Variants in NAV2 observed in about 807,000 individuals in gnomAD.
NAV2 encodes helicase, APC down-regulated 1.
In NAV2, 54 loss-of-function variants were observed where a neutral mutation model predicts 223.2. The observed-to-expected ratio is 0.24, with a 90% CI of 0.19 to 0.30. The LOEUF (loss-of-function observed/expected upper bound fraction) is 0.30. NAV2 is among the 10% of genes least tolerant of loss of function. The pLI is 1.00. For missense variants in NAV2, 2,806 were observed against 3,147.5 expected (o/e 0.89, Z 2.60); for synonymous variants, 1,279 against 1,239.3 (o/e 1.03, Z -0.67).
At chr11:19,448,892 C>G (rs1280515593) in intron 1 of NAV2, among the ~76,000 whole-genome samples, 1 of 152,136 alleles carries the variant, frequency 6.6e-6, no homozygotes, top group Non-Finnish European at 1.5e-5. Flanking sequence ...GCCAGAAAGT[C>G]AATGTGCTCT....
At chr11:19,562,777 C>G (rs2045146075) in intron 1 of NAV2, among the ~76,000 whole-genome samples, 1 of 152,162 alleles carries the variant, frequency 6.6e-6, no homozygotes, top group Admixed American at 6.5e-5. Flanking sequence ...TTTATGTCTC[C>G]TAGTCTATAG....
chr11:19,423,677 T>C (rs891913551), intron 1 of NAV2, among the ~76,000 whole-genome samples: 1 of 152,226 alleles, frequency 6.6e-6, no homozygotes, highest in African/African-American at 2.4e-5. Context: ...GGCTTGCCAA[T>C]GTCTATCTAA....
At chr11:19,534,081 C>G (rs1393602587) in intron 1 of NAV2, among the ~76,000 whole-genome samples, 1 of 152,212 alleles carries the variant, frequency 6.6e-6, no homozygotes, top group African/African-American at 2.4e-5. Flanking sequence ...CCCATGCCAC[C>G]CTTGTGGCTC....
chr11:19,736,171 G>A (rs2052281794), intron 1 of NAV2, among the ~76,000 whole-genome samples: 1 of 152,222 alleles, frequency 6.6e-6, no homozygotes, highest in African/African-American at 2.4e-5. Flanking sequence ...ACTAGCTCCA[G>A]ACACAAACTG....
chr11:19,474,564 T>C (rs2042060776), intron 1 of NAV2, among the ~76,000 whole-genome samples: 1 of 152,212 alleles, frequency 6.6e-6, no homozygotes, highest in African/African-American at 2.4e-5. Flanking sequence ...CAGGAGAGCA[T>C]GTGAGGCTTT....
At chr11:19,359,811 G>A (rs547575378) in intron 1 of NAV2, among the ~76,000 whole-genome samples, 1 of 152,188 alleles carries the variant, frequency 6.6e-6, no homozygotes, top group African/African-American at 2.4e-5. Flanking sequence ...GCTGCCATGC[G>A]TGTCTCCTTG....
chr11:19,501,068 G>T (rs373627012), intron 1 of NAV2, among the ~76,000 whole-genome samples: 307 of 152,160 alleles, frequency 2.0e-3, no homozygotes, highest in African/African-American at 6.9e-3. Flanking sequence ...ACATTCCTTT[G>T]TTCATGGCTC....
intron 10 of NAV2, among the ~76,000 whole-genome samples, chr11:19,977,634 CA>C (rs750997499): frequency 6.6e-6 from 1 of 152,016 alleles, no homozygotes; most frequent in East Asian, 1.9e-4. Flanking sequence ...GTTTCCTTAG[CA>C]AAATTTTAAG....
chr11:19,723,389 G>A, intron 1 of NAV2, among the ~76,000 whole-genome samples: 2 of 32,052 alleles, frequency 6.2e-5, no homozygotes, highest in East Asian at 1.0e-3. Flanking sequence ...GGTATAGACA[G>A]TGTGTGGCAG....
chr11:19,650,982 A>C (rs2047954345), intron 1 of NAV2, among the ~76,000 whole-genome samples: 1 of 152,192 alleles, frequency 6.6e-6, no homozygotes, highest in Non-Finnish European at 1.5e-5. Flanking sequence ...AAACTCATTG[A>C]ATTGAACACA....
At chr11:20,026,166 G>C (rs1288985031) in intron 11 of NAV2, among the ~76,000 whole-genome samples, 3 of 152,136 alleles carry the variant, frequency 2.0e-5, no homozygotes, top group Non-Finnish European at 4.4e-5. Flanking sequence ...AATTTGCTGG[G>C]GTTAGTGACT....
At chr11:19,963,038 TA>T (rs1161497397) in intron 10 of NAV2, among the ~76,000 whole-genome samples, 1 of 152,176 alleles carries the variant, frequency 6.6e-6, no homozygotes, top group Non-Finnish European at 1.5e-5. Context: ...TGGGACGAAA[TA>T]AATGTGGTGT....
intron 1 of NAV2, among the ~76,000 whole-genome samples, chr11:19,532,840 G>C (rs1306989136): frequency 6.6e-6 from 1 of 152,164 alleles, no homozygotes; most frequent in African/African-American, 2.4e-5. Flanking sequence ...TTGTCTCTGG[G>C]GACCCTCTAC....
chr11:19,385,016 G>A (rs1002650266), intron 1 of NAV2: 1 of 152,116 alleles, frequency 6.6e-6, no homozygotes, highest in Non-Finnish European at 1.5e-5. Flanking sequence ...TCAAAAAAAT[G>A]GCAAAAGACT....
intron 1 of NAV2, among the ~76,000 whole-genome samples, chr11:19,382,000 AG>A (rs949824754): frequency 6.6e-6 from 1 of 152,156 alleles, no homozygotes; most frequent in African/African-American, 2.4e-5. Context: ...GCTAGTCTGC[AG>A]GCTGCTCACT....
At position 20,044,012 on chromosome 11, in the gene NAV2, G is replaced by A. The variant is rs2057206272; in HGVS notation, c.2939G>A (p.Arg980Lys). The A allele has an allele frequency of 6.2e-7, 1 of 1,614,042 alleles. No individual in the cohort carries two copies. The change falls in exon 13 of 38, where the codon AGG becomes AAG. Residue 980 changes from arginine (R) to lysine (K), a missense_variant. Physicochemically the swap from Arg to Lys is conservative, Grantham distance 26. Coordinates refer to ENST00000349880, the MANE Select transcript of NAV2 (RefSeq NM_145117.5). ...GCTGAGAAGCACTCACAGGTGGAGA[G>A]GAATTCCCTGTGGTCTGGTGATGAT... is the stretch of plus-strand genomic sequence containing the variant. ...TDAEKHSQVE[R>K]NSLWSGDDVK...
intron 1 of NAV2, among the ~76,000 whole-genome samples, chr11:19,402,639 G>A (rs934650300): frequency 3.3e-5 from 5 of 152,058 alleles, no homozygotes; most frequent in African/African-American, 9.7e-5. Context: ...ACAACCCCTC[G>A]CACATAGCAG....
At chr11:19,650,655 C>T (rs1313758198) in intron 1 of NAV2, among the ~76,000 whole-genome samples, 2 of 152,152 alleles carry the variant, frequency 1.3e-5, no homozygotes, top group African/African-American at 4.8e-5. Context: ...ACAGTAGCCC[C>T]AAACTGGAAA....
chr11:19,627,287 C>G (rs1349122166), intron 1 of NAV2, among the ~76,000 whole-genome samples: 1 of 152,038 alleles, frequency 6.6e-6, no homozygotes, highest in Non-Finnish European at 1.5e-5. Flanking sequence ...ACTCAGGAGG[C>G]TGAGGCAGGA....
Sources: gnomAD v4.1 joint callset for allele counts (sites outside exome capture counted in the v4.1 genomes callset) on GRCh38, gnomAD v4.1.1 for gene constraint, MANE v1.5 for transcripts, NCBI Gene and HGNC (gene_info 2026-07-23, HGNC 2026-07-21) for gene names.